Variants in PRAMEF15 observed in about 807,000 individuals in gnomAD.
PRAMEF15 encodes PRAME family member 9/15.
Under a neutral mutation model 35.3 loss-of-function variants are expected in PRAMEF15, and 21 were observed. That is an observed-to-expected ratio of 0.59 (90% CI 0.42 to 0.86). PRAMEF15 has a LOEUF of 0.86. PRAMEF15 is among the 40% of genes least tolerant of loss of function. PRAMEF15 has a pLI of 0.00. For synonymous variants in PRAMEF15, 122 were observed against 223.3 expected, an observed-to-expected ratio of 0.55 and a Z score of 4.05; for missense variants, 360 against 574.1, an observed-to-expected ratio of 0.63 and a Z score of 3.81.
chr1:13,320,041 T>G, intron 3 of PRAMEF15, 88 bp downstream of exon 3: 1 of 1,603,168 alleles, frequency 6.2e-7, no homozygotes. Context: ...AGCCAGCCTA[T>G]GAGGATGAAA....
chr1:13,316,011 G>C (rs1411514645), intron 1 of PRAMEF15, among the ~76,000 whole-genome samples: 1 of 143,768 alleles, frequency 7.0e-6, no homozygotes, highest in Non-Finnish European at 1.5e-5. Flanking sequence ...CGTTTTTTTT[G>C]GGGGTGGGGA....
Position 13,318,488 on chromosome 1 carries a change from G to C in PRAMEF15, c.81G>C (p.Met27Ile), listed in dbSNP as rs879056739. The C allele has an allele frequency of 7.4e-6, 12 of 1,614,106 alleles. No homozygotes were observed. The highest frequency in any genetic ancestry group is 1.7e-5 in the Admixed American group (1 of 60,010). Residue 27 changes from methionine to isoleucine, a missense_variant, in exon 2 of 4, where the codon ATG (methionine) becomes ATC (isoleucine). Transcript: ENST00000376152. ...TGCTGAGGGACCAAGCTTTGGCCATGTCCACCCTGGAGGAGCTGCCCACAG... is the reference window on the plus strand; with the variant it reads ...TGCTGAGGGACCAAGCTTTGGCCATCTCCACCCTGGAGGAGCTGCCCACAG... ...RSLLRDQALA[M>I]STLEELPTEL...
chr1:13,320,034 C>A, intron 3 of PRAMEF15, 81 bp downstream of exon 3: 1 of 1,604,524 alleles, frequency 6.2e-7, no homozygotes. Context: ...TACTGTGAGC[C>A]AGCCTATGAG....
chr1:13,318,127 C>A (rs1185705209), intron 1 of PRAMEF15, among the ~76,000 whole-genome samples: 1 of 151,972 alleles, frequency 6.6e-6, no homozygotes, highest in African/African-American at 2.4e-5. Flanking sequence ...TCAGGTTCCT[C>A]CATACTCACT....
chr1:13,320,554 C>A (rs1196562156), intron 3 of PRAMEF15, among the ~76,000 whole-genome samples: 2 of 151,950 alleles, frequency 1.3e-5, no homozygotes. Flanking sequence ...CTCCTGAGTG[C>A]CTGGGATTAC....
At chr1:13,320,834 A>G (rs1221385817) in intron 3 of PRAMEF15, among the ~76,000 whole-genome samples, 3 of 152,160 alleles carry the variant, frequency 2.0e-5, no homozygotes, top group Non-Finnish European at 4.4e-5. Context: ...TGTGCCCCAC[A>G]GTTTTGTGAA....
Position 13,321,584 on chromosome 1 carries a change from T to C in PRAMEF15, c.876-119T>C. On this transcript the variant is annotated intron_variant, in intron 3 of 3. Coordinates refer to ENST00000376152, the MANE Select transcript of PRAMEF15 (RefSeq NM_001098376.3). ...ATCCTAAGTGTTGACCATCAGGCCATCAGAATGACCCTGGACTTGGGCAAA... is the reference window on the plus strand; with the variant it reads ...ATCCTAAGTGTTGACCATCAGGCCACCAGAATGACCCTGGACTTGGGCAAA... 2.9e-6 allele frequency: 4 copies of C among 1,402,706 alleles called. No homozygotes were observed. In the South Asian group the frequency reaches 5.0e-5, roughly 18 times the overall value. The allele number at this position is 1,402,706 out of a possible 1,614,324, so 86.9% of individuals were successfully genotyped here.
At position 13,321,629 on chromosome 1, in the gene PRAMEF15, T is replaced by C. The variant is rs1461578422; in HGVS notation, c.876-74T>C. ...GGCAAAAAGGTCTCCATCCATTACC[T>C]TGAAGCCATTCCCCACCACCCTCCA... On this transcript the variant is annotated intron_variant, in intron 3 of 3. Transcript: ENST00000376152. The C allele has an allele frequency of 2.5e-5, 37 of 1,483,330 alleles. No individual in the cohort carries two copies. The African/African-American group carries it at 3.5e-4, about 14-fold the overall frequency. The allele number at this position is 1,483,330 out of a possible 1,614,324, so 91.9% of individuals were successfully genotyped here.
intron 1 of PRAMEF15, among the ~76,000 whole-genome samples, chr1:13,316,371 G>A (rs1553167349): frequency 0.23 from 35,474 of 151,430 alleles, 5,409 homozygotes; most frequent in Non-Finnish European, 0.34. Context: ...GCTGCAGTGA[G>A]CCATGCTCAT....
At position 13,318,942 on chromosome 1, in the gene PRAMEF15, G is replaced by T. The variant is rs1299068396; in HGVS notation, c.293+242G>T. Among the ~76,000 whole-genome samples, 160 of 152,012 alleles carry T rather than the reference G, an allele frequency of 1.1e-3. 1 individual carries two copies. The Middle Eastern group carries it at 0.02, about 19-fold the overall frequency. On this transcript the variant is annotated intron_variant, in intron 2 of 3. Transcript: ENST00000376152. ...GAAAAGTGAGAACTGGGCCGGGCAC[G>T]GTGGCTCACAATGTAATCCCAGCAC...
At chr1:13,318,178 G>T (rs1256656447) in intron 1 of PRAMEF15, among the ~76,000 whole-genome samples, 2 of 152,038 alleles carry the variant, frequency 1.3e-5, no homozygotes, top group Non-Finnish European at 2.9e-5. Flanking sequence ...AAGGGCTAGT[G>T]GTGGCCCTGC....
intron 2 of PRAMEF15, among the ~76,000 whole-genome samples, chr1:13,318,941 C>T (rs1444890901): frequency 4.0e-5 from 6 of 151,834 alleles, no homozygotes; most frequent in African/African-American, 9.7e-5. Flanking sequence ...GGGCCGGGCA[C>T]GGTGGCTCAC....
intron 1 of PRAMEF15, among the ~76,000 whole-genome samples, chr1:13,316,801 C>T (rs1371072231): frequency 4.0e-5 from 6 of 151,660 alleles, no homozygotes; most frequent in African/African-American, 1.5e-4. Context: ...CCAAGGATCC[C>T]TCAACAAGGA....
At chr1:13,321,373 C>T (rs1188407935) in intron 3 of PRAMEF15, among the ~76,000 whole-genome samples, 1 of 151,380 alleles carries the variant, frequency 6.6e-6, no homozygotes, top group African/African-American at 2.4e-5. Context: ...CGCCACCACA[C>T]CTGGCTAATT....
chr1:13,322,083 G>C lies in PRAMEF15; in HGVS notation c.1256G>C (p.Arg419Pro). The part of the protein sequence containing the change: ...NLCVELYPAP[R>P]ESYGADGTLC... ...TGTGTGGAGCTGTATCCTGCCCCCCGAGAGAGTTATGGTGCTGATGGTACT... is the reference window on the plus strand; with the variant it reads ...TGTGTGGAGCTGTATCCTGCCCCCCCAGAGAGTTATGGTGCTGATGGTACT... Residue 419 changes from arginine (R) to proline (P), a missense_variant, in exon 4 of 4, where the codon CGA (arginine) becomes CCA (proline). By Grantham distance (103) the Arg-to-Pro change is moderately radical. This residue lies in a region of PRAMEF15 where 147 missense variants were observed against 123.5 expected (regional missense o/e 1.19). Coordinates refer to ENST00000376152, the MANE Select transcript of PRAMEF15 (RefSeq NM_001098376.3). The C allele has an allele frequency of 1.2e-6, 2 of 1,608,698 alleles. No homozygotes were observed. The highest frequency in any genetic ancestry group is 1.7e-6 in the Non-Finnish European group (2 of 1,178,292).
intron 1 of PRAMEF15, among the ~76,000 whole-genome samples, chr1:13,317,500 G>A (rs1168639625): frequency 6.6e-6 from 1 of 151,980 alleles, no homozygotes; most frequent in Non-Finnish European, 1.5e-5. Flanking sequence ...TGGGGTGGAG[G>A]CTCACACCTA....
chr1:13,321,686 T>G lies in PRAMEF15; in HGVS notation c.876-17T>G. 6.2e-7 allele frequency: 1 copy of G among 1,607,484 alleles called. No individual in the cohort carries two copies. The highest frequency in any genetic ancestry group is 8.5e-7 in the Non-Finnish European group (1 of 1,177,288). On this transcript the variant is annotated splice_polypyrimidine_tract_variant and intron_variant, in intron 3 of 3. Coordinates refer to ENST00000376152, the MANE Select transcript of PRAMEF15 (RefSeq NM_001098376.3). Reference sequence around the variant, plus strand: ...CCTATGATTCCCCAGAATTAACTTCTTGCTCTCTCTCCCCAGCTGTCTGAA... The same window carrying G: ...CCTATGATTCCCCAGAATTAACTTCGTGCTCTCTCTCCCCAGCTGTCTGAA...
At chr1:13,318,997 C>T (rs2100320309) in intron 2 of PRAMEF15, among the ~76,000 whole-genome samples, 1 of 151,988 alleles carries the variant, frequency 6.6e-6, no homozygotes, top group East Asian at 2.0e-4. Flanking sequence ...GAGTTGGAGG[C>T]CAGCCTGTCC....
chr1:13,316,592 T>C (rs1640008309), intron 1 of PRAMEF15, among the ~76,000 whole-genome samples: 1 of 151,974 alleles, frequency 6.6e-6, no homozygotes, highest in South Asian at 2.1e-4. Context: ...GAGGCCGAGG[T>C]AACAGTGAGC....
Sources: allele counts gnomAD v4.1 joint callset (sites outside exome capture counted in the v4.1 genomes callset), GRCh38; gene constraint gnomAD v4.1.1; regional missense constraint gnomAD v4.1.1; transcripts MANE v1.5; gene names NCBI Gene and HGNC (gene_info 2026-07-23, HGNC 2026-07-21).